The following ZNF713 variants were observed in gnomAD, a reference collection of about 807,000 sequenced individuals.
ZNF713 encodes zinc finger protein 713.
In ZNF713, 21 loss-of-function variants were observed where a neutral mutation model predicts 28.7. That is an observed-to-expected ratio of 0.73 (90% CI 0.52 to 1.05). ZNF713 has a LOEUF of 1.05. Among genes scored for constraint, ZNF713 ranks in the 50% least tolerant of loss-of-function variants. The pLI is 0.00. For missense variants in ZNF713, 458 were observed against 532.4 expected, an observed-to-expected ratio of 0.86 and a Z score of 1.37; for synonymous variants, 167 against 178.0, an observed-to-expected ratio of 0.94 and a Z score of 0.49.
intron 1 of ZNF713, among the ~76,000 whole-genome samples, chr7:55,898,621 G>A (rs1785516926): frequency 6.6e-6 from 1 of 152,188 alleles, no homozygotes; most frequent in Non-Finnish European, 1.5e-5. Flanking sequence ...TCCACCCTGT[G>A]ATCCAATCAC....
intron 1 of ZNF713, among the ~76,000 whole-genome samples, chr7:55,895,960 G>T (rs1382805725): frequency 6.6e-6 from 1 of 152,102 alleles, no homozygotes; most frequent in Non-Finnish European, 1.5e-5. Context: ...ATATGGTTTG[G>T]CTGTGGAGTC....
At chr7:55,931,458 TAAGAG>T (rs988429108) in intron 6 of ZNF713, among the ~76,000 whole-genome samples, 7 of 152,222 alleles carry the variant, frequency 4.6e-5, no homozygotes, top group African/African-American at 1.7e-4. Flanking sequence ...TTTAAATTAA[TAAGAG>T]AACCAAAAAT....
chr7:55,897,384 A>T (rs532687016), intron 1 of ZNF713, among the ~76,000 whole-genome samples: 1 of 151,606 alleles, frequency 6.6e-6, no homozygotes, highest in African/African-American at 2.4e-5. Context: ...GGCTCAAGCA[A>T]CCCTCTCACC....
rs530813940 is a variant in ZNF713, at chr7:55,940,439, G to A, written c.*433G>A. The A allele has an allele frequency of 8.1e-6, 8 of 987,008 alleles. No homozygotes were observed. Among genetic ancestry groups the A allele is most frequent in the Middle Eastern group, 5.2e-4 (1 of 1,920 alleles). The allele number at this position is 987,008 out of a possible 1,614,324, so 61.1% of individuals were successfully genotyped here. A position where few individuals can be genotyped will look rare whatever the true frequency, so the allele number is the denominator to read the frequency against. On this transcript the variant is annotated 3_prime_UTR_variant, in exon 7 of 7. Transcript: ENST00000429591. Reference sequence around the variant, plus strand: ...GCGCCTGGCCATAAACTTTCAATGCGTAGAAACCAAATTAATTTAGACCTT... The same window carrying A: ...GCGCCTGGCCATAAACTTTCAATGCATAGAAACCAAATTAATTTAGACCTT...
At chr7:55,932,511 C>G (rs1786231511) in intron 6 of ZNF713, among the ~76,000 whole-genome samples, 2 of 135,008 alleles carry the variant, frequency 1.5e-5, no homozygotes, top group South Asian at 4.8e-4. Context: ...GGTGACAAAG[C>G]AAGACCCTGT....
intron 4 of ZNF713, 56 bp from the exon 5 acceptor site, chr7:55,923,106 T>C: frequency 6.5e-7 from 1 of 1,549,948 alleles, no homozygotes; most frequent in Admixed American, 2.0e-5. Flanking sequence ...TTCCCTCCCT[T>C]GAGGGTCCCT....
In ZNF713 at chr7:55,927,301, G is replaced by A. The variant is rs527923132; in HGVS notation, c.307+3602G>A. On this transcript the variant is annotated intron_variant, in intron 6 of 6. Transcript: ENST00000429591. Reference sequence around the variant, plus strand: ...CCTAGCACTTTCGGAGACCGTGGAAGGATCCCTTGAGCCCGGGAGTTCAAG... The same window carrying A: ...CCTAGCACTTTCGGAGACCGTGGAAAGATCCCTTGAGCCCGGGAGTTCAAG... Among the ~76,000 whole-genome samples the A allele has an allele frequency of 5.3e-5, 8 of 152,202 alleles. No individual in the cohort carries two copies. In the East Asian group the frequency reaches 1.6e-3, roughly 30 times the overall value.
At chr7:55,903,166 A>G (rs540607859) in intron 1 of ZNF713, among the ~76,000 whole-genome samples, 1 of 152,246 alleles carries the variant, frequency 6.6e-6, no homozygotes, top group East Asian at 1.9e-4. Flanking sequence ...TTTAAAAAAA[A>G]TTAAAAGCAA....
At chr7:55,931,598 C>T (rs1474280544) in intron 6 of ZNF713, among the ~76,000 whole-genome samples, 1 of 147,172 alleles carries the variant, frequency 6.8e-6, no homozygotes, top group Non-Finnish European at 1.5e-5. Context: ...CTTTCCCTCT[C>T]TCCTCTCCCT....
intron 6 of ZNF713, among the ~76,000 whole-genome samples, chr7:55,936,839 G>C (rs1168279695): frequency 6.6e-6 from 1 of 152,134 alleles, no homozygotes; most frequent in Non-Finnish European, 1.5e-5. Flanking sequence ...CAAGGGGTGA[G>C]GGGGAGGTGT....
At chr7:55,894,579 T>C (rs1451055025) in intron 1 of ZNF713, among the ~76,000 whole-genome samples, 1 of 152,242 alleles carries the variant, frequency 6.6e-6, no homozygotes, top group Non-Finnish European at 1.5e-5. Context: ...GTGATGAATA[T>C]ATAAATTGAT....
intron 1 of ZNF713, among the ~76,000 whole-genome samples, chr7:55,897,707 T>C (rs1179445786): frequency 1.3e-5 from 2 of 152,168 alleles, no homozygotes; most frequent in African/African-American, 4.8e-5. Flanking sequence ...GTGATAATGG[T>C]AAATATTACC....
At chr7:55,892,358 G>T (rs1446302108) in intron 1 of ZNF713, among the ~76,000 whole-genome samples, 2 of 150,020 alleles carry the variant, frequency 1.3e-5, no homozygotes, top group Non-Finnish European at 3.0e-5. Flanking sequence ...AACCAGGGAA[G>T]CTCACTCAAG....
chr7:55,926,148 A>G (rs1445442570), intron 6 of ZNF713, among the ~76,000 whole-genome samples: 1 of 152,088 alleles, frequency 6.6e-6, no homozygotes. Context: ...CATCTCTACT[A>G]AAAATACAAA....
chr7:55,893,275 T>G (rs749477416), intron 1 of ZNF713, among the ~76,000 whole-genome samples: 1 of 152,168 alleles, frequency 6.6e-6, no homozygotes, highest in African/African-American at 2.4e-5. Flanking sequence ...AGTTTATGCT[T>G]AGGAATGGAC....
chr7:55,897,722 A>G (rs1785499601), intron 1 of ZNF713, among the ~76,000 whole-genome samples: 1 of 152,352 alleles, frequency 6.6e-6, no homozygotes, highest in East Asian at 1.9e-4. Flanking sequence ...ATTACCGTCA[A>G]TGAAACATAT....
chr7:55,901,122 C>T (rs1487935166), intron 1 of ZNF713, among the ~76,000 whole-genome samples: 2 of 152,164 alleles, frequency 1.3e-5, no homozygotes, highest in East Asian at 3.8e-4. Flanking sequence ...TAAAGACATA[C>T]CCAAGACTGG....
chr7:55,888,133 C>G (rs919816135), intron 1 of ZNF713, among the ~76,000 whole-genome samples: 4 of 151,862 alleles, frequency 2.6e-5, no homozygotes, highest in African/African-American at 9.7e-5. Context: ...AAAGTTTTTC[C>G]TCATCTCAGG....
intron 1 of ZNF713, among the ~76,000 whole-genome samples, chr7:55,898,257 C>T (rs938867544): frequency 5.9e-5 from 9 of 152,120 alleles, no homozygotes; most frequent in East Asian, 1.9e-4. Context: ...AGCTTTTACA[C>T]GGCAAAGGAA....
Sources: allele counts gnomAD v4.1 joint callset (sites outside exome capture counted in the v4.1 genomes callset), GRCh38; gene constraint gnomAD v4.1.1; transcripts MANE v1.5; gene names NCBI Gene and HGNC (gene_info 2026-07-23, HGNC 2026-07-21).